The following SP140L variants were observed in gnomAD, a reference collection of about 807,000 sequenced individuals.
The protein encoded by SP140L is nuclear body protein SP140-like protein.
A neutral mutation model predicts 84.3 loss-of-function variants in SP140L; 64 were observed. The observed-to-expected ratio is 0.76, with a 90% CI of 0.62 to 0.94. The LOEUF (loss-of-function observed/expected upper bound fraction) is 0.94, where lower values mean the gene tolerates loss of function less well. SP140L is among the 40% of genes least tolerant of loss of function. SP140L has a pLI of 0.00. For synonymous variants in SP140L, 242 were observed against 236.9 expected, an observed-to-expected ratio of 1.02 and a Z score of -0.20; for missense variants, 628 against 692.5, an observed-to-expected ratio of 0.91 and a Z score of 1.05.
chr2:230,335,284 A>C (rs977195317), intron 2 of SP140L, among the ~76,000 whole-genome samples: 1 of 152,124 alleles, frequency 6.6e-6, no homozygotes, highest in African/African-American at 2.4e-5. Flanking sequence ...CTTGCTTTAA[A>C]ACTTAATCTA....
chr2:230,342,353 G>A (rs558232940), intron 2 of SP140L, among the ~76,000 whole-genome samples: 3 of 152,296 alleles, frequency 2.0e-5, no homozygotes, highest in South Asian at 4.1e-4. Flanking sequence ...GCTTCCGCTC[G>A]CGCACGGTGC....
At chr2:230,340,021 G>T (rs2059992880) in intron 2 of SP140L, among the ~76,000 whole-genome samples, 1 of 146,554 alleles carries the variant, frequency 6.8e-6, no homozygotes, top group Admixed American at 6.8e-5. Flanking sequence ...TTGGTGCAGA[G>T]CTGAGTTCAA....
chr2:230,347,493 C>T (rs1559414062), intron 2 of SP140L, among the ~76,000 whole-genome samples: 1 of 151,982 alleles, frequency 6.6e-6, no homozygotes, highest in Non-Finnish European at 1.5e-5. Context: ...CTCTGGAATC[C>T]CTGGTTAGGC....
At chr2:230,377,595 C>T (rs1311039516) in intron 7 of SP140L, among the ~76,000 whole-genome samples, 1 of 152,074 alleles carries the variant, frequency 6.6e-6, no homozygotes, top group Non-Finnish European at 1.5e-5. Context: ...ATAAAGCTGA[C>T]AGGAACATCT....
At chr2:230,384,558 C>T (rs926793883) in intron 8 of SP140L, among the ~76,000 whole-genome samples, 4 of 152,254 alleles carry the variant, frequency 2.6e-5, no homozygotes, top group East Asian at 1.9e-4. Context: ...AGTGTCTGCC[C>T]GGCTTGTGGA....
At chr2:230,369,335 G>A (rs1158549846) in intron 5 of SP140L, among the ~76,000 whole-genome samples, 1 of 151,998 alleles carries the variant, frequency 6.6e-6, no homozygotes, top group Non-Finnish European at 1.5e-5. Flanking sequence ...TGAGACTGAA[G>A]GCCAGAGCCA....
At chr2:230,341,455 G>A (rs1488417168) in intron 2 of SP140L, among the ~76,000 whole-genome samples, 1 of 137,976 alleles carries the variant, frequency 7.2e-6, no homozygotes, top group Non-Finnish European at 1.5e-5. Context: ...CCGTAGCTCA[G>A]AGTAATTTGA....
At chr2:230,390,802 G>A (rs2061769662) in intron 11 of SP140L, among the ~76,000 whole-genome samples, 1 of 151,992 alleles carries the variant, frequency 6.6e-6, no homozygotes, top group Non-Finnish European at 1.5e-5. Flanking sequence ...TCACAGGATT[G>A]TACAGCCATT....
At chr2:230,371,133 A>T (rs1383063026) in intron 6 of SP140L, among the ~76,000 whole-genome samples, 166 bp downstream of exon 6, 2 of 152,190 alleles carry the variant, frequency 1.3e-5, no homozygotes, top group Non-Finnish European at 2.9e-5. Flanking sequence ...ATAAAGTTTT[A>T]CTTATCAAGA....
chr2:230,396,891 G>A (rs917634712), intron 14 of SP140L, 93 bp downstream of exon 14: 7 of 1,489,402 alleles, frequency 4.7e-6, no homozygotes, highest in African/African-American at 2.8e-5. Flanking sequence ...CCTGAAGCAT[G>A]TTCAGTCTCA....
chr2:230,356,939 G>T (rs1484631876), intron 2 of SP140L, among the ~76,000 whole-genome samples: 1 of 151,868 alleles, frequency 6.6e-6, no homozygotes, highest in Non-Finnish European at 1.5e-5. Flanking sequence ...ATGCGACATT[G>T]TTTCCTGCTT....
At chr2:230,329,242 T>C (rs2059661720) in intron 2 of SP140L, among the ~76,000 whole-genome samples, 1 of 152,220 alleles carries the variant, frequency 6.6e-6, no homozygotes, top group Non-Finnish European at 1.5e-5. Flanking sequence ...GATTCTGCCT[T>C]TGTTCCAGGA....
At chr2:230,378,177 G>T (rs1278813951) in intron 7 of SP140L, among the ~76,000 whole-genome samples, 1 of 152,024 alleles carries the variant, frequency 6.6e-6, no homozygotes, top group Admixed American at 6.6e-5. Context: ...TTATCTGTAT[G>T]TCTATTCTTA....
chr2:230,353,513 T>G (rs1336006058), intron 2 of SP140L, among the ~76,000 whole-genome samples: 2 of 152,086 alleles, frequency 1.3e-5, no homozygotes, highest in South Asian at 2.1e-4. Flanking sequence ...CTATTATTTG[T>G]TTCTTGAATT....
intron 13 of SP140L, among the ~76,000 whole-genome samples, chr2:230,395,302 G>C (rs547211871): frequency 4.6e-5 from 7 of 152,256 alleles, no homozygotes; most frequent in Admixed American, 3.3e-4. Flanking sequence ...TTCAAGCCAG[G>C]CATGGTGACT....
chr2:230,355,513 A>T (rs1340972282), intron 2 of SP140L, among the ~76,000 whole-genome samples: 1 of 152,172 alleles, frequency 6.6e-6, no homozygotes, highest in East Asian at 1.9e-4. Flanking sequence ...ACCCAAGAAA[A>T]ATCCAAAAGG....
intron 7 of SP140L, among the ~76,000 whole-genome samples, chr2:230,374,523 G>A (rs1020270148): frequency 1.3e-5 from 2 of 152,162 alleles, no homozygotes; most frequent in Non-Finnish European, 2.9e-5. Context: ...GCAGCAGCAG[G>A]TTTTGAGAGA....
chr2:230,349,245 A>G (rs2060295415), intron 2 of SP140L, among the ~76,000 whole-genome samples: 1 of 152,250 alleles, frequency 6.6e-6, no homozygotes, highest in Non-Finnish European at 1.5e-5. Context: ...ATACCAGTAC[A>G]ATAACTGTCT....
chr2:230,385,371 A>C (rs1193632383), intron 9 of SP140L, 67 bp downstream of exon 9: 2 of 1,457,856 alleles, frequency 1.4e-6, no homozygotes, highest in Non-Finnish European at 1.9e-6. Context: ...GGTTTTGAGG[A>C]GCCTAGAAGC....
Sources: allele counts gnomAD v4.1 joint callset (sites outside exome capture counted in the v4.1 genomes callset), GRCh38; gene constraint gnomAD v4.1.1; transcripts MANE v1.5; gene names NCBI Gene and HGNC (gene_info 2026-07-23, HGNC 2026-07-21).